The following SRP19 variants were observed in gnomAD, a reference collection of about 807,000 sequenced individuals.
The protein encoded by SRP19 is signal recognition particle 19, also known as signal recognition particle 19 kDa protein.
Under a neutral mutation model 22.4 loss-of-function variants are expected in SRP19, and 11 were observed. That is an observed-to-expected ratio of 0.49 (90% confidence interval 0.31 to 0.81). The LOEUF (loss-of-function observed/expected upper bound fraction) is 0.81, where lower values mean the gene tolerates loss of function less well. SRP19 is among the 40% of genes least tolerant of loss of function. The pLI is 0.05. For missense variants in SRP19, 168 were observed against 175.9 expected, an observed-to-expected ratio of 0.96 and a Z score of 0.25; for synonymous variants, 61 against 57.6, an observed-to-expected ratio of 1.06 and a Z score of -0.27.
intron 4 of SRP19, among the ~76,000 whole-genome samples, chr5:112,879,993 T>C (rs745729968): frequency 6.6e-6 from 1 of 151,796 alleles, no homozygotes; most frequent in Non-Finnish European, 1.5e-5. Context: ...GCTATATAAA[T>C]TGTTGTTATA....
intron 4 of SRP19, among the ~76,000 whole-genome samples, chr5:112,886,414 T>A (rs1479893920): frequency 6.6e-6 from 1 of 152,238 alleles, no homozygotes; most frequent in Non-Finnish European, 1.5e-5. Flanking sequence ...GACATGGAAT[T>A]CATGAATGGC....
At chr5:112,863,390 T>G (rs1249742978) in intron 2 of SRP19, among the ~76,000 whole-genome samples, 1 of 152,194 alleles carries the variant, frequency 6.6e-6, no homozygotes, top group Non-Finnish European at 1.5e-5. Flanking sequence ...CATTGCCGAT[T>G]TGAGCTAGAT....
chr5:112,861,796 A>G (rs1767408414), intron 1 of SRP19, among the ~76,000 whole-genome samples: 3 of 152,184 alleles, frequency 2.0e-5, no homozygotes, highest in Admixed American at 2.0e-4. Flanking sequence ...CGGACACTTT[A>G]TATAAGAGGG....
intron 4 of SRP19, among the ~76,000 whole-genome samples, chr5:112,875,082 A>AAAGT (rs1187238922): frequency 6.6e-6 from 1 of 152,148 alleles, no homozygotes; most frequent in Admixed American, 6.6e-5. Context: ...GGCCCACACC[A>AAAGT]AAGTTTTTGG....
At chr5:112,867,221 C>G in intron 4 of SRP19, 183 bp from the exon 5 acceptor site, 4 of 616,414 alleles carry the variant, frequency 6.5e-6, no homozygotes, top group Non-Finnish European at 1.1e-5. Flanking sequence ...TATTCTCACT[C>G]TCAGTACATT....
At chr5:112,873,420 C>T (rs1265508710), downstream of SRP19, among the ~76,000 whole-genome samples, 1 of 147,816 alleles carries the variant, frequency 6.8e-6, no homozygotes, top group East Asian at 2.0e-4. Context: ...GATCTCGGCT[C>T]ACCGCAACCT....
chr5:112,887,320 C>T (rs1768287960), intron 4 of SRP19: 3 of 796,710 alleles, frequency 3.8e-6, no homozygotes, highest in South Asian at 8.3e-5. Flanking sequence ...GTGTTTTCTG[C>T]AGGTTAAAGG....
intron 4 of SRP19, among the ~76,000 whole-genome samples, chr5:112,879,751 C>G (rs2150032976): frequency 6.6e-6 from 1 of 152,090 alleles, no homozygotes; most frequent in Non-Finnish European, 1.5e-5. Flanking sequence ...GCTGGGATTA[C>G]AGACGTAAGC....
At chr5:112,890,254 C>T (rs1768395450) in intron 4 of SRP19, among the ~76,000 whole-genome samples, 1 of 149,938 alleles carries the variant, frequency 6.7e-6, no homozygotes, top group Admixed American at 6.7e-5. Context: ...ACCATCACTG[C>T]AATCCAGGCT....
intron 2 of SRP19, among the ~76,000 whole-genome samples, chr5:112,863,398 G>C (rs1008812024): frequency 6.6e-6 from 1 of 152,144 alleles, no homozygotes; most frequent in Non-Finnish European, 1.5e-5. Flanking sequence ...ATTTGAGCTA[G>C]ATAATTGTTG....
At chr5:112,895,936 A>G (rs1768666440), downstream of SRP19, 1 of 152,212 alleles carries the variant, frequency 6.6e-6, no homozygotes, top group African/African-American at 2.4e-5. Context: ...TCTTGGCACT[A>G]TTAGCACTGA....
exon 5 of SRP19, chr5:112,892,664 A>T: frequency 6.2e-7 from 1 of 1,614,124 alleles, no homozygotes; most frequent in Non-Finnish European, 8.5e-7. Context: ...AATCCCAACA[A>T]TGAATTCTGG....
At chr5:112,885,595 G>A in intron 4 of SRP19, 1 of 272,814 alleles carries the variant, frequency 3.7e-6, no homozygotes, top group Non-Finnish European at 7.8e-6. Context: ...GGACAACTTA[G>A]ACCCACTAGT....
downstream of SRP19, among the ~76,000 whole-genome samples, chr5:112,871,025 G>A (rs938380941): frequency 6.6e-6 from 1 of 152,002 alleles, no homozygotes; most frequent in Non-Finnish European, 1.5e-5. Context: ...GCTAATTTAT[G>A]TAGTTTTTAG....
intron 4 of SRP19, among the ~76,000 whole-genome samples, chr5:112,881,797 A>C (rs998734641): frequency 1.3e-5 from 2 of 152,048 alleles, no homozygotes; most frequent in Non-Finnish European, 1.5e-5. Context: ...ACAGGGTCTC[A>C]CTCTGTCACC....
rs1648379553 is a variant in SRP19, at chr5:112,867,571, TAAGAG to T, written c.*36_*40del. On this transcript the variant is annotated 3_prime_UTR_variant, in exon 5 of 5. Coordinates refer to ENST00000505459, the MANE Select transcript of SRP19 (RefSeq NM_003135.3). Reference sequence around the variant, plus strand: ...CAGCATCAAGTATGTGGTACTACTGTAAGAGACATGAATGGAGACTTCTAATTTGT... The same window carrying T: ...CAGCATCAAGTATGTGGTACTACTGTACATGAATGGAGACTTCTAATTTGT... 6.4e-7 allele frequency: 1 copy of T among 1,554,572 alleles called. No homozygotes were observed. The highest frequency in any genetic ancestry group is 8.7e-7 in the Non-Finnish European group (1 of 1,150,336).
rs139242287 is a variant in SRP19 at position 112,865,792 on chromosome 5, C to T, written c.301+1060C>T. 5.8e-4 allele frequency among the ~76,000 whole-genome samples: 88 copies of T among 152,302 alleles called. 1 individual carries two copies. In the East Asian group the frequency reaches 0.015, roughly 27 times the overall value. On this transcript the variant is annotated intron_variant, in intron 4 of 4. Transcript: ENST00000505459. ...TATTTTTGATAGAGATGGGGTTTCG[C>T]CATGTTGGCCAGAATGGTCTCGATC...
intron 4 of SRP19, among the ~76,000 whole-genome samples, chr5:112,875,915 C>T (rs1378522627): frequency 2.6e-5 from 4 of 151,648 alleles, no homozygotes; most frequent in Admixed American, 6.6e-5. Flanking sequence ...GGCGTGGCGG[C>T]GGGTGCGTGT....
intron 4 of SRP19, among the ~76,000 whole-genome samples, chr5:112,888,002 A>G (rs914012807): frequency 1.3e-5 from 2 of 152,250 alleles, no homozygotes; most frequent in Non-Finnish European, 2.9e-5. Flanking sequence ...AAAGTTTAAT[A>G]AACAATATAC....
Sources: allele counts gnomAD v4.1 joint callset (sites outside exome capture counted in the v4.1 genomes callset), GRCh38; gene constraint gnomAD v4.1.1; transcripts MANE v1.5; gene names NCBI Gene and HGNC (gene_info 2026-07-23, HGNC 2026-07-21).